PPP4R2: variants seen among roughly 807,000 people sequenced by gnomAD.
PPP4R2 encodes the protein protein phosphatase 4 regulatory subunit 2, also known as serine/threonine-protein phosphatase 4 regulatory subunit 2.
In PPP4R2, 13 loss-of-function variants were observed where a neutral mutation model predicts 47.2. That is an observed-to-expected ratio of 0.28 (90% CI 0.18 to 0.44). PPP4R2 has a LOEUF of 0.44. Ranked by LOEUF, PPP4R2 falls within the 20% of genes least tolerant of loss-of-function variation. The pLI is 1.00. For missense variants in PPP4R2, 421 were observed against 491.2 expected (o/e 0.86, Z 1.35); for synonymous variants, 151 against 163.3 (o/e 0.92, Z 0.57).
chr3:73,022,795 C>T (rs1701986609), intron 2 of PPP4R2, among the ~76,000 whole-genome samples: 1 of 148,580 alleles, frequency 6.7e-6, no homozygotes, highest in Non-Finnish European at 1.5e-5. Context: ...TTAAACAATG[C>T]AGTCTTACAG....
At chr3:73,005,036 C>T (rs919249747) in intron 2 of PPP4R2, among the ~76,000 whole-genome samples, 9 of 151,514 alleles carry the variant, frequency 5.9e-5, no homozygotes, top group Admixed American at 2.0e-4. Flanking sequence ...AGTGCAGTGG[C>T]GCCATCTCCG....
intron 2 of PPP4R2, among the ~76,000 whole-genome samples, chr3:72,999,808 A>G (rs563186476): frequency 5.3e-5 from 8 of 152,222 alleles, no homozygotes; most frequent in Non-Finnish European, 1.2e-4. Context: ...TTGTACTGAA[A>G]TGATTGGTGT....
Position 73,061,760 on chromosome 3 carries a change from G to T in PPP4R2, c.419+700G>T, listed in dbSNP as rs112572113. The T allele has an allele frequency of 4.8e-5, 13 of 269,502 alleles. 1 individual carries two copies. Among genetic ancestry groups the T allele is most frequent in the African/African-American group, 2.6e-4 (11 of 42,996 alleles). 16.7% of individuals were successfully genotyped at this position (269,502 alleles called of 1,614,324 possible). ...ACTCTGTTACCCAGGCTGGAGTGCG[G>T]TGATGAGTGATCATAGCTCACTGCA... is the stretch of plus-strand genomic sequence containing the variant. On this transcript the variant is annotated intron_variant, in intron 5 of 8. Coordinates refer to ENST00000356692, the MANE Select transcript of PPP4R2 (RefSeq NM_174907.4).
intron 2 of PPP4R2, among the ~76,000 whole-genome samples, chr3:73,019,130 A>G (rs551004582): frequency 1.1e-4 from 16 of 152,260 alleles, no homozygotes; most frequent in Admixed American, 2.0e-4. Flanking sequence ...TATTTTACCT[A>G]TGTTCAGACA....
intron 1 of PPP4R2, 135 bp downstream of exon 1, chr3:72,997,206 C>T (rs1327759186): frequency 3.4e-6 from 2 of 596,966 alleles, no homozygotes; most frequent in Non-Finnish European, 5.1e-6. Context: ...CCATCCCCCT[C>T]CACCTCCCCA....
At chr3:73,019,964 C>A (rs1701925546) in intron 2 of PPP4R2, among the ~76,000 whole-genome samples, 1 of 152,140 alleles carries the variant, frequency 6.6e-6, no homozygotes, top group Non-Finnish European at 1.5e-5. Context: ...GTGTAGGCTT[C>A]TTCTAGAGGG....
At chr3:73,061,893 A>G in intron 5 of PPP4R2, 1 of 542,344 alleles carries the variant, frequency 1.8e-6, no homozygotes, top group East Asian at 3.5e-5. Flanking sequence ...TGTTCCCAAG[A>G]ATATAGTTAT....
rs1702986725 is a variant in PPP4R2, at chr3:73,065,964, G to A, written c.*242G>A. 3.5e-6 allele frequency: 1 copy of A among 282,352 alleles called. No individual in the cohort carries two copies. Among genetic ancestry groups the A allele is most frequent in the South Asian group, 1.6e-4 (1 of 6,302 alleles). 17.5% of individuals were successfully genotyped at this position (282,352 alleles called of 1,614,324 possible). ...TTCTTTTTTTGGTCTGGGCAAATCA[G>A]TGGTTTGTGTATAGATTTTTTTTTT... On this transcript the variant is annotated 3_prime_UTR_variant, in exon 9 of 9. Transcript: ENST00000356692.
At chr3:73,018,441 A>ATGT (rs1205188386) in intron 2 of PPP4R2, among the ~76,000 whole-genome samples, 1 of 103,790 alleles carries the variant, frequency 9.6e-6, no homozygotes, top group Non-Finnish European at 2.0e-5. Context: ...ATGTTATGTT[A>ATGT]TGTTATGTTA....
rs1238315576 is a variant in PPP4R2 at position 73,068,586 on chromosome 3, T to C, written c.*2864T>C. On this transcript the variant is annotated 3_prime_UTR_variant, in exon 9 of 9. Coordinates refer to ENST00000356692, the MANE Select transcript of PPP4R2 (RefSeq NM_174907.4). Reference sequence around the variant, plus strand: ...GACGTGTGTTTTGGAGTAGTGGAATTGCCAGCCAGGCCCTGTGGCTTGGAA... The same window carrying C: ...GACGTGTGTTTTGGAGTAGTGGAATCGCCAGCCAGGCCCTGTGGCTTGGAA... 1 of 152,246 alleles carries C rather than the reference T, an allele frequency of 6.6e-6. No individual in the cohort carries two copies. Among genetic ancestry groups the C allele is most frequent in the African/African-American group, 2.4e-5 (1 of 41,466 alleles). The allele number at this position is 152,246 out of a possible 1,614,324, so 9.4% of individuals were successfully genotyped here. A position where few individuals can be genotyped will look rare whatever the true frequency, so the allele number is the denominator to read the frequency against.
Position 73,052,244 on chromosome 3 carries a change from T to TC in PPP4R2, c.287+4888_287+4889insC, listed in dbSNP as rs1473732157. 3.7e-4 allele frequency among the ~76,000 whole-genome samples: 55 copies of TC among 150,474 alleles called. 1 individual carries two copies. Among genetic ancestry groups the TC allele is most frequent in the African/African-American group, 1.0e-3 (41 of 40,788 alleles). On this transcript the variant is annotated intron_variant, in intron 3 of 8. Transcript: ENST00000356692. ...CAATGGAATGCTTAATTTCTTTCTTTTCTTTTTTTTTTTGGTCATTTTCTT... is the reference window on the plus strand; with the variant it reads ...CAATGGAATGCTTAATTTCTTTCTTTCTCTTTTTTTTTTTGGTCATTTTCTT...
intron 2 of PPP4R2, among the ~76,000 whole-genome samples, chr3:73,007,484 G>T (rs952756808): frequency 2.7e-5 from 4 of 149,152 alleles, no homozygotes; most frequent in African/African-American, 5.0e-5. Flanking sequence ...TTTGTTTTTT[G>T]TTTTTTTTTG....
intron 2 of PPP4R2, among the ~76,000 whole-genome samples, chr3:73,003,846 A>G (rs985007539): frequency 1.3e-5 from 2 of 151,914 alleles, no homozygotes; most frequent in African/African-American, 4.8e-5. Context: ...TTACAGGTGC[A>G]TGCCACCACG....
At chr3:73,042,990 A>G (rs1157880981) in intron 2 of PPP4R2, among the ~76,000 whole-genome samples, 5 of 152,128 alleles carry the variant, frequency 3.3e-5, no homozygotes, top group Non-Finnish European at 5.9e-5. Flanking sequence ...GTTCCCATTA[A>G]TGTGCTTTTT....
At chr3:73,014,693 T>C (rs1197363165) in intron 2 of PPP4R2, among the ~76,000 whole-genome samples, 1 of 152,238 alleles carries the variant, frequency 6.6e-6, no homozygotes, top group Non-Finnish European at 1.5e-5. Context: ...ATAGTTTTTT[T>C]TTATTGCCAC....
intron 2 of PPP4R2, among the ~76,000 whole-genome samples, chr3:73,026,458 A>G (rs568795954): frequency 1.3e-5 from 2 of 151,818 alleles, no homozygotes; most frequent in African/African-American, 2.4e-5. Context: ...GCCCACTTCT[A>G]TCATCATATA....
chr3:72,997,993 A>G lies in PPP4R2; in HGVS notation c.35-84A>G, dbSNP rs73838443. ...TAATTTTGTATTTAATTGATTTTTA[A>G]TAAGGTAAAGGACTAGGAGGAAAGT... is the stretch of plus-strand genomic sequence containing the variant. On this transcript the variant is annotated intron_variant, in intron 1 of 8. Transcript: ENST00000356692. 1,553 of 890,796 alleles carry G rather than the reference A, an allele frequency of 1.7e-3. 14 individuals are homozygous for G. In the African/African-American group the frequency reaches 0.023, roughly 13 times the overall value. The allele number at this position is 890,796 out of a possible 1,614,324, so 55.2% of individuals were successfully genotyped here.
At chr3:73,059,005 A>T in intron 3 of PPP4R2, 32 bp from the exon 4 acceptor site, 1 of 1,264,428 alleles carries the variant, frequency 7.9e-7, no homozygotes, top group East Asian at 2.3e-5. Context: ...ATTATCAGTG[A>T]TCTCACACTG....
chr3:73,044,185 A>T (rs1000246206), intron 2 of PPP4R2, among the ~76,000 whole-genome samples: 5 of 151,946 alleles, frequency 3.3e-5, no homozygotes, highest in Non-Finnish European at 7.4e-5. Flanking sequence ...CTATGGAGAA[A>T]TGGGATTCCT....
Sources: allele counts gnomAD v4.1 joint callset (sites outside exome capture counted in the v4.1 genomes callset), GRCh38; gene constraint gnomAD v4.1.1; transcripts MANE v1.5; gene names NCBI Gene and HGNC (gene_info 2026-07-23, HGNC 2026-07-21).